RHBDD1: variants seen among roughly 807,000 people sequenced by gnomAD.
RHBDD1 encodes rhomboid domain containing 1.
RHBDD1 carries 38 observed loss-of-function variants against 36.3 expected under a neutral mutation model. The observed-to-expected ratio is 1.05, with a 90% CI of 0.81 to 1.37. RHBDD1 has a LOEUF of 1.37. Among genes scored for constraint, RHBDD1 ranks in the 40% most tolerant of loss-of-function variants. The pLI is 0.00. For missense variants in RHBDD1, 393 were observed against 377.6 expected, an observed-to-expected ratio of 1.04 and a Z score of -0.34; for synonymous variants, 151 against 136.5, an observed-to-expected ratio of 1.11 and a Z score of -0.74.
intron 3 of RHBDD1, among the ~76,000 whole-genome samples, chr2:226,844,480 A>G (rs1489760723): frequency 1.3e-5 from 2 of 152,068 alleles, no homozygotes; most frequent in Non-Finnish European, 2.9e-5. Context: ...CCCCCTTTTC[A>G]CTAGTTGTTG....
chr2:226,835,556 C>G (rs1156651233), upstream of RHBDD1: 2 of 152,260 alleles, frequency 1.3e-5, no homozygotes, highest in African/African-American at 2.4e-5. Context: ...CTCCGCCTAA[C>G]AGGCGGTATC....
chr2:226,801,575 A>G, the RHBDD1 span, among the ~76,000 whole-genome samples: 4 of 151,934 alleles, frequency 2.6e-5, no homozygotes, highest in African/African-American at 2.4e-5. Context: ...GTTAATCTAT[A>G]ATTTGAGTAC....
chr2:226,935,626 TCA>T (rs1370585579), intron 8 of RHBDD1, among the ~76,000 whole-genome samples: 1 of 124,492 alleles, frequency 8.0e-6, no homozygotes, highest in Non-Finnish European at 1.7e-5. Context: ...TGATCAGATC[TCA>T]GTTTTATTTT....
intron 8 of RHBDD1, among the ~76,000 whole-genome samples, chr2:226,967,342 C>A (rs1002932976): frequency 6.6e-6 from 1 of 152,064 alleles, no homozygotes; most frequent in African/African-American, 2.4e-5. Context: ...TTATATAAAT[C>A]AGCCTGAATA....
intron 8 of RHBDD1, among the ~76,000 whole-genome samples, chr2:226,947,852 CA>C (rs1951099682): frequency 6.6e-6 from 1 of 152,154 alleles, no homozygotes; most frequent in Admixed American, 6.5e-5. Context: ...AAATGCAAAT[CA>C]AAACCACTAT....
At chr2:226,874,983 C>G (rs1322058483) in intron 5 of RHBDD1, among the ~76,000 whole-genome samples, 1 of 152,178 alleles carries the variant, frequency 6.6e-6, no homozygotes, top group Non-Finnish European at 1.5e-5. Context: ...TGCTACTTCC[C>G]CTGATTCCTC....
At chr2:226,897,945 C>T (rs1452902121) in intron 5 of RHBDD1, among the ~76,000 whole-genome samples, 2 of 152,130 alleles carry the variant, frequency 1.3e-5, no homozygotes, top group Non-Finnish European at 2.9e-5. Flanking sequence ...CGCCATTGTA[C>T]TCCAGCCTAG....
At chr2:226,963,419 C>T (rs1356769856) in intron 8 of RHBDD1, among the ~76,000 whole-genome samples, 2 of 152,108 alleles carry the variant, frequency 1.3e-5, no homozygotes, top group African/African-American at 2.4e-5. Context: ...TTATCTAAAA[C>T]CCCTTTACTT....
At chr2:226,918,436 T>G (rs1949074891) in intron 8 of RHBDD1, among the ~76,000 whole-genome samples, 1 of 152,034 alleles carries the variant, frequency 6.6e-6, no homozygotes, top group Non-Finnish European at 1.5e-5. Context: ...TAATTATTTT[T>G]TGTACCCATT....
intron 8 of RHBDD1, among the ~76,000 whole-genome samples, chr2:226,920,546 G>A (rs952372458): frequency 1.3e-5 from 2 of 152,048 alleles, no homozygotes; most frequent in African/African-American, 4.8e-5. Context: ...CTTTTATTGT[G>A]TTGAGGTGTA....
intron 5 of RHBDD1, among the ~76,000 whole-genome samples, chr2:226,901,112 A>G (rs1947549162): frequency 6.6e-6 from 1 of 152,190 alleles, no homozygotes; most frequent in African/African-American, 2.4e-5. Context: ...GAGTGAGATC[A>G]TACAGTATTT....
At chr2:226,926,371 G>T (rs1412861198) in intron 8 of RHBDD1, among the ~76,000 whole-genome samples, 1 of 152,210 alleles carries the variant, frequency 6.6e-6, no homozygotes, top group Middle Eastern at 3.4e-3. Flanking sequence ...ATGTTTTATA[G>T]TCAGGTTTTC....
chr2:226,827,101 G>A, the RHBDD1 span, among the ~76,000 whole-genome samples: 11 of 152,032 alleles, frequency 7.2e-5, no homozygotes, highest in Non-Finnish European at 2.9e-5. Context: ...GGGACCACAG[G>A]TGCATACCAC....
At position 226,997,476 on chromosome 2, in the gene RHBDD1, C is replaced by T. The variant is rs952632495; in HGVS notation, c.*1954C>T. 2 of 152,182 alleles carry T rather than the reference C, an allele frequency of 1.3e-5. No homozygotes were observed. The highest frequency in any genetic ancestry group is 4.8e-5 in the African/African-American group (2 of 41,440). 9.4% of individuals were successfully genotyped at this position (152,182 alleles called of 1,614,324 possible). A position where few individuals can be genotyped will look rare whatever the true frequency, so the allele number is the denominator to read the frequency against. On this transcript the variant is annotated 3_prime_UTR_variant, in exon 9 of 9. Coordinates refer to ENST00000392062, the MANE Select transcript of RHBDD1 (RefSeq NM_001167608.3). ...GATTGTGAATGACTCTGTAATGAGG[C>T]CTGAGTCTTAGTTATCTTTCCACTC... is the stretch of plus-strand genomic sequence containing the variant.
chr2:226,886,708 C>T (rs1052850839), intron 5 of RHBDD1, among the ~76,000 whole-genome samples: 2 of 152,122 alleles, frequency 1.3e-5, no homozygotes, highest in Non-Finnish European at 2.9e-5. Flanking sequence ...GTCATAATCA[C>T]TTGAGAACTA....
At chr2:226,953,288 A>G (rs1951559305) in intron 8 of RHBDD1, among the ~76,000 whole-genome samples, 1 of 152,220 alleles carries the variant, frequency 6.6e-6, no homozygotes, top group Non-Finnish European at 1.5e-5. Context: ...AGACGATTAT[A>G]ACCCAACGGT....
rs185435863 is a variant in RHBDD1 at position 226,872,545 on chromosome 2, T to G, written c.566+5227T>G. Among the ~76,000 whole-genome samples the G allele has an allele frequency of 3.3e-5, 5 of 152,320 alleles. No homozygotes were observed. In the East Asian group the frequency reaches 9.6e-4, roughly 29 times the overall value. ...ACTGTCCAACTTTGGAAAGCCTCTA[T>G]CAATGTTTTTTTTACAGGCAAGCTG... is the stretch of plus-strand genomic sequence containing the variant. On this transcript the variant is annotated intron_variant, in intron 5 of 8. Coordinates refer to ENST00000392062, the MANE Select transcript of RHBDD1 (RefSeq NM_001167608.3).
intron 5 of RHBDD1, among the ~76,000 whole-genome samples, chr2:226,877,155 A>C (rs1427829093): frequency 6.6e-6 from 1 of 152,226 alleles, no homozygotes; most frequent in East Asian, 1.9e-4. Context: ...ATTAGTTCCA[A>C]GGTGGAACCT....
intron 4 of RHBDD1, 61 bp downstream of exon 4, chr2:226,865,187 G>A (rs1944222991): frequency 1.3e-5 from 17 of 1,286,262 alleles, no homozygotes; most frequent in Non-Finnish European, 1.9e-5. Context: ...TGTGGCTGCT[G>A]TCATTTTATG....
Sources: allele counts gnomAD v4.1 joint callset (sites outside exome capture counted in the v4.1 genomes callset), GRCh38; gene constraint gnomAD v4.1.1; transcripts MANE v1.5; gene names NCBI Gene and HGNC (gene_info 2026-07-23, HGNC 2026-07-21).